SGCZ: variants seen among roughly 807,000 people sequenced by gnomAD.
SGCZ encodes zeta-sarcoglycan.
In SGCZ, 40 loss-of-function variants were observed where a neutral mutation model predicts 41.3. That is an observed-to-expected ratio of 0.97 (90% CI 0.75 to 1.26). The LOEUF is 1.26. Among genes scored for constraint, SGCZ ranks in the 50% most tolerant of loss-of-function variants. The pLI is 0.00. For missense variants in SGCZ, 552 were observed against 369.8 expected (o/e 1.49, Z -4.04); for synonymous variants, 206 against 137.5 (o/e 1.50, Z -3.49).
At chr8:15,178,541 CTTTG>C (rs1218802621) in intron 1 of SGCZ, among the ~76,000 whole-genome samples, 1 of 152,152 alleles carries the variant, frequency 6.6e-6, no homozygotes, top group Non-Finnish European at 1.5e-5. Flanking sequence ...GCCCCTTATT[CTTTG>C]TTTATTGTAT....
chr8:14,267,391 A>G (rs1799910564), intron 3 of SGCZ, among the ~76,000 whole-genome samples: 1 of 152,070 alleles, frequency 6.6e-6, no homozygotes, highest in African/African-American at 2.4e-5. Context: ...TAATCAGCCT[A>G]CTAGTGCCAC....
intron 1 of SGCZ, among the ~76,000 whole-genome samples, chr8:15,160,535 T>A (rs2117039859): frequency 6.6e-6 from 1 of 152,306 alleles, no homozygotes; most frequent in Non-Finnish European, 1.5e-5. Context: ...GGAGAGTCAA[T>A]TTTGAAAGAA....
intron 1 of SGCZ, among the ~76,000 whole-genome samples, chr8:14,613,379 C>T (rs903382907): frequency 6.6e-6 from 1 of 151,990 alleles, no homozygotes; most frequent in African/African-American, 2.4e-5. Flanking sequence ...GGATAATTAA[C>T]AAAAGAAATA....
chr8:14,719,160 A>G (rs1809798981), intron 1 of SGCZ, among the ~76,000 whole-genome samples: 1 of 150,772 alleles, frequency 6.6e-6, no homozygotes, highest in African/African-American at 2.5e-5. Context: ...AGTTTCATCC[A>G]TGTCCCTACA....
chr8:14,554,990 C>A, intron 1 of SGCZ, 64 bp from the exon 2 acceptor site: 3 of 1,423,022 alleles, frequency 2.1e-6, no homozygotes, highest in Non-Finnish European at 2.8e-6. Context: ...AAAAAATAAA[C>A]CCATGATTTT....
At chr8:15,131,716 A>T (rs6997205) in intron 1 of SGCZ, among the ~76,000 whole-genome samples, 81,589 of 151,970 alleles carry the variant, frequency 0.54, 22,208 homozygotes, top group Admixed American at 0.6. Flanking sequence ...CCCTAATAGC[A>T]ACCAGCTCTG....
intron 1 of SGCZ, among the ~76,000 whole-genome samples, chr8:14,797,349 T>C (rs1801169195): frequency 6.6e-6 from 1 of 152,082 alleles, no homozygotes; most frequent in Non-Finnish European, 1.5e-5. Flanking sequence ...TGGTCTCAGA[T>C]GGAGACGAGG....
At chr8:14,229,815 C>T (rs1252180983) in intron 4 of SGCZ, among the ~76,000 whole-genome samples, 1 of 152,080 alleles carries the variant, frequency 6.6e-6, no homozygotes, top group Admixed American at 6.6e-5. Context: ...TTTTCAGGGT[C>T]TTTAAATATT....
intron 1 of SGCZ, among the ~76,000 whole-genome samples, chr8:14,728,864 G>C (rs966451519): frequency 3.3e-5 from 5 of 152,202 alleles, no homozygotes; most frequent in Non-Finnish European, 7.3e-5. Flanking sequence ...AACAGAGCAT[G>C]CTTCAACTTG....
intron 1 of SGCZ, among the ~76,000 whole-genome samples, chr8:14,708,247 C>T (rs374511119): frequency 6.6e-6 from 1 of 151,764 alleles, no homozygotes; most frequent in Non-Finnish European, 1.5e-5. Flanking sequence ...CATATTAGTA[C>T]ATTCAATTTC....
At chr8:14,452,031 A>G (rs1800609113) in intron 2 of SGCZ, among the ~76,000 whole-genome samples, 1 of 152,238 alleles carries the variant, frequency 6.6e-6, no homozygotes. Flanking sequence ...ATGCACATGG[A>G]TACTTATAAC....
chr8:14,554,776 A>T lies in SGCZ; in HGVS notation c.190T>A (p.Leu64Ile). 6.2e-7 allele frequency: 1 copy of T among 1,613,144 alleles called. No homozygotes were observed. The highest frequency in any genetic ancestry group is 8.5e-7 in the Non-Finnish European group (1 of 1,179,468). Residue 64 changes from leucine to isoleucine, a missense_variant, in exon 2 of 8, where the codon TTA (leucine) becomes ATA (isoleucine). By Grantham distance (5) the Leu-to-Ile change is conservative. Coordinates refer to ENST00000382080, the MANE Select transcript of SGCZ (RefSeq NM_139167.4). Reference sequence around the variant, plus strand: ...TTCAATATCCATATTGTCATGGCTAAGTTAACTATCATGGTAACCAACAGC... The same window carrying T: ...TTCAATATCCATATTGTCATGGCTATGTTAACTATCATGGTAACCAACAGC... ...LLLLVTMIVN[L>I]AMTIWILKVM... is the part of the protein sequence containing the mutation.
intron 3 of SGCZ, among the ~76,000 whole-genome samples, chr8:14,322,095 T>TATTTTAGGTTCCA: frequency 6.6e-6 from 1 of 152,156 alleles, no homozygotes; most frequent in African/African-American, 2.4e-5. Context: ...ATAAAATAGT[T>TATTTTAGGTTCCA]CAGCCACTGT....
intron 2 of SGCZ, among the ~76,000 whole-genome samples, chr8:14,388,326 G>A (rs566660729): frequency 4.0e-4 from 61 of 151,996 alleles, no homozygotes; most frequent in Non-Finnish European, 8.1e-4. Flanking sequence ...CCTAGGAGCT[G>A]GGCATCTGGC....
At chr8:14,976,337 T>C (rs572071897) in intron 1 of SGCZ, among the ~76,000 whole-genome samples, 1 of 152,108 alleles carries the variant, frequency 6.6e-6, no homozygotes, top group East Asian at 1.9e-4. Flanking sequence ...CTATATATTT[T>C]GACTAGGAAG....
chr8:14,434,414 T>G lies in SGCZ; in HGVS notation c.235-110210A>C, dbSNP rs117791778. Among the ~76,000 whole-genome samples, 134 of 152,310 alleles carry G rather than the reference T, an allele frequency of 8.8e-4. 2 individuals carry two copies. The East Asian group carries it at 0.025, about 28-fold the overall frequency. ...ATCAGGTAATGGGATGCCTCCAGAT[T>G]TGTTCTTTTTGTTTAGTCTTGCTTA... On this transcript the variant is annotated intron_variant, in intron 2 of 7. Transcript: ENST00000382080.
chr8:14,350,730 C>G (rs1585394941), intron 2 of SGCZ, among the ~76,000 whole-genome samples: 3 of 152,206 alleles, frequency 2.0e-5, no homozygotes, highest in Admixed American at 1.3e-4. Flanking sequence ...TTCTTTCCCT[C>G]TCTCCAATCT....
At chr8:15,225,310 A>C (rs78428260) in intron 1 of SGCZ, among the ~76,000 whole-genome samples, 1,866 of 128,958 alleles carry the variant, frequency 0.014, 34 homozygotes, top group African/African-American at 0.054. Context: ...TAGGAACACA[A>C]AAAAAAAGAT....
chr8:14,852,382 T>C (rs1037315136), intron 1 of SGCZ, among the ~76,000 whole-genome samples: 2 of 152,328 alleles, frequency 1.3e-5, no homozygotes, highest in South Asian at 4.1e-4. Context: ...AGTTGATATA[T>C]GGCTACAGAA....
Sources: gnomAD v4.1 joint callset for allele counts (sites outside exome capture counted in the v4.1 genomes callset) on GRCh38, gnomAD v4.1.1 for gene constraint, MANE v1.5 for transcripts, NCBI Gene and HGNC (gene_info 2026-07-23, HGNC 2026-07-21) for gene names.